Variants in NELL1 observed in about 807,000 individuals in gnomAD.
The protein encoded by NELL1 is protein kinase C-binding protein NELL1.
Under a neutral mutation model 107.4 loss-of-function variants are expected in NELL1, and 76 were observed. The ratio of observed to expected loss-of-function variants is 0.71; its 90% CI spans 0.59 to 0.86. NELL1 has a LOEUF of 0.86. Ranked by LOEUF, NELL1 falls within the 40% of genes least tolerant of loss-of-function variation. The pLI is 0.00. For missense variants in NELL1, 1,024 were observed against 1,005.5 expected, an observed-to-expected ratio of 1.02 and a Z score of -0.25; for synonymous variants, 353 against 341.2, an observed-to-expected ratio of 1.03 and a Z score of -0.38.
At chr11:20,995,711 A>G (rs1852076954) in intron 12 of NELL1, among the ~76,000 whole-genome samples, 1 of 152,152 alleles carries the variant, frequency 6.6e-6, no homozygotes, top group Non-Finnish European at 1.5e-5. Context: ...TTGTGTATCA[A>G]TCAATAAGTC....
chr11:21,254,196 T>C (rs1288333426), intron 14 of NELL1, among the ~76,000 whole-genome samples: 2 of 152,236 alleles, frequency 1.3e-5, no homozygotes, highest in Non-Finnish European at 2.9e-5. Context: ...AAGAATTTCT[T>C]TTCATAGCAT....
intron 12 of NELL1, among the ~76,000 whole-genome samples, chr11:20,969,443 A>C (rs752158221): frequency 6.6e-6 from 1 of 152,184 alleles, no homozygotes; most frequent in African/African-American, 2.4e-5. Flanking sequence ...CTTTATAATT[A>C]AGAGAGTCTT....
chr11:21,277,955 G>A (rs1848906286), intron 14 of NELL1, among the ~76,000 whole-genome samples: 1 of 152,060 alleles, frequency 6.6e-6, no homozygotes, highest in African/African-American at 2.4e-5. Context: ...GTTAAATGAC[G>A]AGTTGCTGGG....
At chr11:21,564,793 C>T (rs10766833) in intron 17 of NELL1, among the ~76,000 whole-genome samples, 118,357 of 151,728 alleles carry the variant, frequency 0.78, 46,534 homozygotes, top group Non-Finnish European at 0.83. Flanking sequence ...GATGAATTAC[C>T]GTGGAAAGGA....
chr11:20,715,775 C>A (rs1855235586), intron 2 of NELL1, among the ~76,000 whole-genome samples: 1 of 152,188 alleles, frequency 6.6e-6, no homozygotes, highest in African/African-American at 2.4e-5. Flanking sequence ...ATCTGGTAGT[C>A]TTTTTGTCTG....
intron 15 of NELL1, among the ~76,000 whole-genome samples, chr11:21,424,114 A>C (rs1311075932): frequency 6.6e-6 from 1 of 152,236 alleles, no homozygotes; most frequent in East Asian, 1.9e-4. Context: ...TGAAAATAAT[A>C]AAGATTAGAG....
At chr11:20,672,790 C>A (rs570375954) in intron 1 of NELL1, among the ~76,000 whole-genome samples, 1 of 152,160 alleles carries the variant, frequency 6.6e-6, no homozygotes, top group East Asian at 1.9e-4. Context: ...AGTACCTACA[C>A]CTGCAAAGCC....
chr11:21,170,528 C>T (rs889543164), intron 13 of NELL1, among the ~76,000 whole-genome samples: 7 of 151,688 alleles, frequency 4.6e-5, no homozygotes, highest in Admixed American at 2.0e-4. Context: ...TCACATTTAC[C>T]TAATATATAA....
chr11:20,962,068 G>T (rs1851302479), intron 12 of NELL1, among the ~76,000 whole-genome samples: 1 of 151,384 alleles, frequency 6.6e-6, no homozygotes, highest in South Asian at 2.1e-4. Flanking sequence ...ATTTTTCACT[G>T]TTTTTTTGGC....
chr11:21,139,266 T>G (rs112681128), intron 13 of NELL1, among the ~76,000 whole-genome samples: 2 of 152,226 alleles, frequency 1.3e-5, no homozygotes, highest in African/African-American at 4.8e-5. Context: ...TGGTGAAGCC[T>G]AAAATAGTAC....
chr11:21,065,268 G>A (rs1853840548), intron 12 of NELL1, among the ~76,000 whole-genome samples: 1 of 151,946 alleles, frequency 6.6e-6, no homozygotes, highest in African/African-American at 2.4e-5. Flanking sequence ...CATAAAGGCA[G>A]GATTTTAGAG....
At chr11:20,795,394 A>C (rs1456517080) in intron 3 of NELL1, among the ~76,000 whole-genome samples, 4 of 152,234 alleles carry the variant, frequency 2.6e-5, no homozygotes, top group Non-Finnish European at 5.9e-5. Flanking sequence ...TATATTTCTA[A>C]TGTGATAAAA....
intron 12 of NELL1, among the ~76,000 whole-genome samples, chr11:21,036,073 C>T (rs1237296519): frequency 6.6e-6 from 1 of 151,952 alleles, no homozygotes; most frequent in Non-Finnish European, 1.5e-5. Flanking sequence ...AAAAAATTAA[C>T]GTTACTATGC....
intron 15 of NELL1, among the ~76,000 whole-genome samples, chr11:21,424,536 G>A (rs775931467): frequency 4.6e-5 from 7 of 151,984 alleles, no homozygotes; most frequent in East Asian, 3.9e-4. Context: ...CAGAAGAATC[G>A]CTTGAACCTG....
In NELL1 at chr11:20,981,900, T is replaced by TCAGGGCTCAAACAATGTCAC. The variant is rs1254230100; in HGVS notation, c.1300+21343_1300+21362dup. On this transcript the variant is annotated intron_variant, in intron 12 of 19. Coordinates refer to ENST00000357134, the MANE Select transcript of NELL1 (RefSeq NM_006157.5). ...GAGTAGCCTTCAGGCAAAGCTGGAT[T>TCAGGGCTCAAACAATGTCAC]CAGGGCTCAAACAATGTCACCAAGG... Among the ~76,000 whole-genome samples, 241 of 152,192 alleles carry TCAGGGCTCAAACAATGTCAC rather than the reference T, an allele frequency of 1.6e-3. 1 individual carries two copies. Among genetic ancestry groups the TCAGGGCTCAAACAATGTCAC allele is most frequent in the African/African-American group, 5.3e-3 (221 of 41,540 alleles).
At chr11:20,947,634 T>G (rs528316173) in intron 11 of NELL1, among the ~76,000 whole-genome samples, 199 bp downstream of exon 11, 8 of 152,240 alleles carry the variant, frequency 5.3e-5, no homozygotes, top group African/African-American at 2.4e-5. Flanking sequence ...AGTATCTACT[T>G]TGTAAGACTG....
rs182234560 is a variant in NELL1, at chr11:20,791,853, A to C, written c.335+8023A>C. On this transcript the variant is annotated intron_variant, in intron 3 of 19. Coordinates refer to ENST00000357134, the MANE Select transcript of NELL1 (RefSeq NM_006157.5). The stretch of plus-strand genomic sequence containing the variant: ...TTGAATTTCTTCACATGCTATTTCT[A>C]TATCTACTGAGATGATAACATAGTT... 2.0e-5 allele frequency among the ~76,000 whole-genome samples: 3 copies of C among 150,132 alleles called. No homozygotes were observed. The Admixed American group carries it at 2.0e-4, about 10-fold the overall frequency.
At chr11:20,963,813 C>A (rs1423717711) in intron 12 of NELL1, among the ~76,000 whole-genome samples, 1 of 152,146 alleles carries the variant, frequency 6.6e-6, no homozygotes, top group Non-Finnish European at 1.5e-5. Context: ...ACAAGACTGG[C>A]TTGCAAATTA....
chr11:21,512,346 C>G (rs1287495322), intron 15 of NELL1, among the ~76,000 whole-genome samples: 1 of 152,258 alleles, frequency 6.6e-6, no homozygotes, highest in African/African-American at 2.4e-5. Flanking sequence ...GACTAACTGA[C>G]ACTCAGAAGT....
Sources: gnomAD v4.1 joint callset for allele counts (sites outside exome capture counted in the v4.1 genomes callset) on GRCh38, gnomAD v4.1.1 for gene constraint, MANE v1.5 for transcripts, NCBI Gene and HGNC (gene_info 2026-07-23, HGNC 2026-07-21) for gene names.